ANK2: variants seen among roughly 807,000 people sequenced by gnomAD.
The protein encoded by ANK2 is ankyrin 2.
A neutral mutation model predicts 360.5 loss-of-function variants in ANK2; 83 were observed. That is an observed-to-expected ratio of 0.23 (90% CI 0.19 to 0.28). ANK2 has a LOEUF of 0.28. Among genes scored for constraint, ANK2 ranks in the 10% least tolerant of loss-of-function variants. ANK2 has a pLI of 1.00. For synonymous variants in ANK2, 1,740 were observed against 1,759.5 expected (o/e 0.99, Z 0.28); for missense variants, 4,201 against 4,795.7 (o/e 0.88, Z 3.66).
chr4:113,121,459 T>A (rs2095348598), intron 1 of ANK2, among the ~76,000 whole-genome samples: 1 of 152,228 alleles, frequency 6.6e-6, no homozygotes. Flanking sequence ...GATAGTAAAT[T>A]AAATGATGAA....
Position 113,355,110 on chromosome 4 carries a change from T to G in ANK2, c.6492T>G (p.Leu2164=), listed in dbSNP as rs1060504152. The G allele has an allele frequency of 2.5e-6, 4 of 1,614,102 alleles. No homozygotes were observed. In the Admixed American group the frequency reaches 6.7e-5, roughly 27 times the overall value. Residue 2164 remains leucine, a synonymous_variant, in exon 38 of 46, where the codon CTT becomes CTG. Transcript: ENST00000357077. The part of the protein sequence containing the change: ...RLSEETEKAQ[L]HLDQVLTSPF... The stretch of plus-strand genomic sequence containing the variant: ...GTGAGGAGACAGAAAAGGCACAGCT[T>G]CACTTAGACCAAGTACTCACTAGTC...
chr4:112,952,194 T>C (rs565736929), intron 2 of ANK2, among the ~76,000 whole-genome samples: 9 of 152,320 alleles, frequency 5.9e-5, no homozygotes, highest in African/African-American at 2.2e-4. Context: ...TAGCACTCCA[T>C]TATGTAGTAT....
At chr4:113,146,060 G>C in intron 1 of ANK2, 1 of 1,285,056 alleles carries the variant, frequency 7.8e-7, no homozygotes. Flanking sequence ...AGAATCAACA[G>C]TAGACCTCAT....
chr4:113,306,724 T>C (rs1179532453), intron 23 of ANK2, among the ~76,000 whole-genome samples: 4 of 152,184 alleles, frequency 2.6e-5, no homozygotes, highest in African/African-American at 4.8e-5. Flanking sequence ...GAAAGGCTTA[T>C]TTTTGGAGAA....
chr4:112,783,719 G>A, the ANK2 span, among the ~76,000 whole-genome samples: 2 of 151,352 alleles, frequency 1.3e-5, no homozygotes, highest in African/African-American at 4.9e-5. Context: ...TGGCGCGATC[G>A]GCTCACTGCA....
At chr4:113,032,470 G>GA (rs2060622817) in intron 2 of ANK2, among the ~76,000 whole-genome samples, 1 of 152,010 alleles carries the variant, frequency 6.6e-6, no homozygotes, top group Non-Finnish European at 1.5e-5. Context: ...TGTTATTACA[G>GA]GGGGATTCCA....
chr4:112,929,294 G>A (rs1193725330), intron 2 of ANK2, among the ~76,000 whole-genome samples: 1 of 152,104 alleles, frequency 6.6e-6, no homozygotes, highest in Non-Finnish European at 1.5e-5. Context: ...TCTGCTTTTA[G>A]GAAGTCCATG....
intron 1 of ANK2, among the ~76,000 whole-genome samples, chr4:112,819,941 A>G (rs2149508226): frequency 6.6e-6 from 1 of 152,254 alleles, no homozygotes; most frequent in South Asian, 2.1e-4. Context: ...TTTTGGCCAC[A>G]TGCCTAAAAC....
chr4:113,179,805 G>C (rs1310177750), intron 2 of ANK2, among the ~76,000 whole-genome samples: 1 of 152,164 alleles, frequency 6.6e-6, no homozygotes, highest in Non-Finnish European at 1.5e-5. Flanking sequence ...TTTAATAAAA[G>C]TTTGTAGCCA....
At chr4:112,953,361 G>A (rs1242081500) in intron 2 of ANK2, among the ~76,000 whole-genome samples, 2 of 152,226 alleles carry the variant, frequency 1.3e-5, no homozygotes, top group East Asian at 1.9e-4. Flanking sequence ...AGTTCTAGAA[G>A]GAAATAAAGT....
At chr4:113,370,691 C>T (rs1212835211) in intron 43 of ANK2, among the ~76,000 whole-genome samples, 2 of 152,108 alleles carry the variant, frequency 1.3e-5, no homozygotes, top group South Asian at 2.1e-4. Context: ...ACCCGGGAAG[C>T]GGAGCTTGCA....
intron 2 of ANK2, among the ~76,000 whole-genome samples, chr4:113,036,799 A>G (rs768826298): frequency 5.3e-5 from 8 of 151,824 alleles, no homozygotes; most frequent in Non-Finnish European, 1.0e-4. Flanking sequence ...AGATGTTGGT[A>G]TAGCAAGCAG....
intron 1 of ANK2, among the ~76,000 whole-genome samples, chr4:113,077,260 A>G (rs2080458851): frequency 6.6e-6 from 1 of 152,180 alleles, no homozygotes. Context: ...TAAGATTTAA[A>G]AAGTTAATTT....
chr4:113,124,467 C>T (rs1338175404), intron 1 of ANK2, among the ~76,000 whole-genome samples: 1 of 152,164 alleles, frequency 6.6e-6, no homozygotes, highest in Non-Finnish European at 1.5e-5. Flanking sequence ...CAACTTCTCA[C>T]AGTGCCAGGA....
intron 4 of ANK2, among the ~76,000 whole-genome samples, chr4:113,219,151 A>G (rs1365023095): frequency 2.6e-5 from 4 of 152,142 alleles, no homozygotes; most frequent in African/African-American, 9.7e-5. Flanking sequence ...AAATTATACT[A>G]CATACTGAAG....
intron 2 of ANK2, among the ~76,000 whole-genome samples, chr4:113,042,571 T>A (rs1042232114): frequency 6.6e-6 from 1 of 152,274 alleles, no homozygotes; most frequent in Admixed American, 6.5e-5. Flanking sequence ...AAATGTTTTG[T>A]CAGTAACAGA....
At chr4:113,270,938 T>A (rs1022817956) in intron 14 of ANK2, among the ~76,000 whole-genome samples, 23 of 152,204 alleles carry the variant, frequency 1.5e-4, no homozygotes, top group Admixed American at 1.2e-3. Context: ...TTAGTTAACA[T>A]TTGAACAGTG....
chr4:113,367,314 C>T (rs532824014), intron 41 of ANK2, among the ~76,000 whole-genome samples: 1 of 152,174 alleles, frequency 6.6e-6, no homozygotes, highest in South Asian at 2.1e-4. Context: ...GGTGCTCCCA[C>T]ACTCATTGAC....
intron 14 of ANK2, among the ~76,000 whole-genome samples, chr4:113,269,102 T>C (rs1167260116): frequency 1.3e-5 from 2 of 152,120 alleles, no homozygotes; most frequent in East Asian, 3.9e-4. Context: ...CTCAAGCCTC[T>C]GTAATGGCGG....
Sources: allele counts gnomAD v4.1 joint callset (sites outside exome capture counted in the v4.1 genomes callset), GRCh38; gene constraint gnomAD v4.1.1; transcripts MANE v1.5; gene names NCBI Gene and HGNC (gene_info 2026-07-23, HGNC 2026-07-21).